Variants in INTS11 observed in about 807,000 individuals in gnomAD.
INTS11 encodes CPSF3-like protein.
A neutral mutation model predicts 78.6 loss-of-function variants in INTS11; 77 were observed. That is an observed-to-expected ratio of 0.98 (90% confidence interval 0.81 to 1.18). INTS11 has a LOEUF of 1.18. Ranked by LOEUF, INTS11 falls within the 50% of genes most tolerant of loss-of-function variation. The probability of loss-of-function intolerance (pLI) is 0.00; values close to 1 mark genes in which losing one functional copy is unlikely to be tolerated. For synonymous variants in INTS11, 441 were observed against 326.9 expected, an observed-to-expected ratio of 1.35 and a Z score of -3.77; for missense variants, 875 against 825.9, an observed-to-expected ratio of 1.06 and a Z score of -0.73.
chr1:1,319,805 C>T (rs1642840277), intron 3 of INTS11: 1 of 428,558 alleles, frequency 2.3e-6, no homozygotes, highest in Non-Finnish European at 4.2e-6. Context: ...CATAGGGGAG[C>T]CGCTGGCTTT....
intron 2 of INTS11, 30 bp downstream of exon 2, chr1:1,320,966 G>C: frequency 1.3e-6 from 2 of 1,592,504 alleles, no homozygotes; most frequent in African/African-American, 1.3e-5. Flanking sequence ...GGCTCTCCCA[G>C]CCTCTGGGCC....
chr1:1,315,310 A>G, intron 6 of INTS11, 94 bp downstream of exon 6: 1 of 1,469,380 alleles, frequency 6.8e-7, no homozygotes, highest in East Asian at 2.3e-5. Flanking sequence ...AGACACTGCC[A>G]GGCTGGCCAC....
rs1394140276 is a variant in INTS11, at chr1:1,314,365, C to T, written c.703G>A (p.Val235Met). 3.7e-6 allele frequency: 6 copies of T among 1,605,302 alleles called. No homozygotes were observed. Among genetic ancestry groups the T allele is most frequent in the Non-Finnish European group, 4.3e-6 (5 of 1,176,296 alleles). The change falls in exon 8 of 17, where the codon GTG (valine) becomes ATG (methionine). Residue 235 changes from valine (V) to methionine (M), a missense_variant and splice_region_variant. Val to Met is a conservative substitution (Grantham distance 21). Transcript: ENST00000435064. This position sits in a 1 kb window ranked among gnomAD's most constrained non-coding sequence, Gnocchi z 4.2. ...CCCAGCGCGAACACAGGTATCAGCA[C>T]CTGAGGGGGACACAAGGCAGGAGCC... is the stretch of plus-strand genomic sequence containing the variant. The part of the protein sequence containing the change: ...VHETVERGGK[V>M]LIPVFALGRA...
chr1:1,322,851 T>C (rs765613241), intron 1 of INTS11: 3 of 1,116,746 alleles, frequency 2.7e-6, no homozygotes, highest in Non-Finnish European at 3.3e-6. Context: ...CAGTCCCTGG[T>C]GCAGGGAAGC....
rs1470051466 is a variant in INTS11 at position 1,324,464 on chromosome 1, G to A, written c.28+117C>T. ...CAGGGCCCGCGCGGGGAGGAGACCG[G>A]AGGACGCCCGCGGCGCGCACCTGGC... is the stretch of plus-strand genomic sequence containing the variant. On this transcript the variant is annotated intron_variant, in intron 1 of 16. Coordinates refer to ENST00000435064, the MANE Select transcript of INTS11 (RefSeq NM_017871.6). The A allele has an allele frequency of 8.2e-6, 9 of 1,102,268 alleles. No homozygotes were observed. The East Asian group carries it at 8.8e-5, about 11-fold the overall frequency. 68.3% of individuals were successfully genotyped at this position (1,102,268 alleles called of 1,614,324 possible).
chr1:1,314,633 G>A lies in INTS11; in HGVS notation c.702+191C>T, dbSNP rs1642464901. 6 of 748,078 alleles carry A rather than the reference G, an allele frequency of 8.0e-6. No individual in the cohort carries two copies. Among genetic ancestry groups the A allele is most frequent in the Middle Eastern group, 3.9e-4 (1 of 2,566 alleles). 46.3% of individuals were successfully genotyped at this position (748,078 alleles called of 1,614,324 possible). A position where few individuals can be genotyped will look rare whatever the true frequency, so the allele number is the denominator to read the frequency against. On this transcript the variant is annotated intron_variant, in intron 7 of 16. Transcript: ENST00000435064. This position sits in a 1 kb window ranked among gnomAD's most constrained non-coding sequence, Gnocchi z 4.2. ...CTTCGTCCGCACCTGAGGTAGGAGG[G>A]AAAAGGGGCTCCCTAGGAAAGGGTC...
intron 1 of INTS11, chr1:1,321,886 T>C (rs1315365199): frequency 1.5e-6 from 2 of 1,323,394 alleles, no homozygotes; most frequent in Non-Finnish European, 9.8e-7. Context: ...AGTGAACAGT[T>C]TTCCCCTTGA....
chr1:1,313,293 C>T, intron 10 of INTS11, 169 bp from the exon 11 acceptor site: 1 of 921,338 alleles, frequency 1.1e-6, no homozygotes, highest in Non-Finnish European at 1.7e-6. Flanking sequence ...ACAAGACTGT[C>T]CAGGGCTGGG....
At chr1:1,315,695 A>AGC (rs1447706553) in intron 4 of INTS11, 77 bp from the exon 5 acceptor site, 1 of 212,014 alleles carries the variant, frequency 4.7e-6, no homozygotes, top group African/African-American at 3.6e-5. Flanking sequence ...GGGGACGGGA[A>AGC]GCGCGGGAGG....
At chr1:1,322,979 G>C (rs939850489) in intron 1 of INTS11, 9 of 1,375,570 alleles carry the variant, frequency 6.5e-6, no homozygotes, top group Non-Finnish European at 8.5e-6. Flanking sequence ...CAGATGTCCA[G>C]AGAGTGGGCA....
In INTS11 at chr1:1,314,664, G is replaced by A. The variant is rs1642467163; in HGVS notation, c.702+160C>T. On this transcript the variant is annotated intron_variant, in intron 7 of 16. Transcript: ENST00000435064. The surrounding 1 kb of genome is among the most constrained non-coding windows in gnomAD (Gnocchi z 4.2). ...GGGCTCCCTAGGAAAGGGTCTCTGA[G>A]TTTTCCTCCTCAATGTTGAGCAAAT... The A allele has an allele frequency of 4.2e-6, 4 of 952,684 alleles. No homozygotes were observed. The highest frequency in any genetic ancestry group is 6.3e-6 in the Non-Finnish European group (4 of 639,294). 59.0% of individuals were successfully genotyped at this position (952,684 alleles called of 1,614,324 possible). A position where few individuals can be genotyped will look rare whatever the true frequency, so the allele number is the denominator to read the frequency against.
intron 1 of INTS11, 30 bp downstream of exon 1, chr1:1,324,551 C>G: frequency 1.9e-6 from 3 of 1,588,706 alleles, no homozygotes; most frequent in Non-Finnish European, 2.6e-6. Flanking sequence ...CGGAGCCCAC[C>G]CCACAGCCCT....
chr1:1,313,735 C>G lies in INTS11; in HGVS notation c.954G>C (p.Pro318=). ...FDRAFADNPG[P]MVVFATPGML... is the part of the protein sequence containing the mutation. ...CCGGCCCTGCCGCGGGCCTCACCAT[C>G]GGTCCTGGGTTGTCAGCAAAAGCCC... Residue 318 remains proline (P), a synonymous_variant, in exon 9 of 17, where the codon CCG becomes CCC. Coordinates refer to ENST00000435064, the MANE Select transcript of INTS11 (RefSeq NM_017871.6). 6.2e-7 allele frequency: 1 copy of G among 1,611,612 alleles called. No homozygotes were observed. Among genetic ancestry groups the G allele is most frequent in the Non-Finnish European group, 8.5e-7 (1 of 1,178,776 alleles).
chr1:1,317,426 C>T (rs887152586), intron 4 of INTS11: 7 of 918,828 alleles, frequency 7.6e-6, no homozygotes, highest in African/African-American at 1.8e-5. Flanking sequence ...AAGAATTCAA[C>T]AGATGAATTT....
At chr1:1,323,178 C>G (rs1299457935) in intron 1 of INTS11, 2 of 1,550,164 alleles carry the variant, frequency 1.3e-6, no homozygotes, top group Non-Finnish European at 1.7e-6. Context: ...AGGAAGCGCT[C>G]ACGCCATGGG....
chr1:1,312,186 G>T (rs1378417418), intron 15 of INTS11, 39 bp from the exon 16 acceptor site: 2 of 1,437,638 alleles, frequency 1.4e-6, no homozygotes, highest in South Asian at 1.3e-5. Flanking sequence ...TGGCCTCCAG[G>T]GCCCAAGGGA....
intron 2 of INTS11, 134 bp downstream of exon 2, chr1:1,320,862 G>T: frequency 1.1e-6 from 1 of 874,878 alleles, no homozygotes; most frequent in African/African-American, 1.7e-5. Flanking sequence ...ACCCATCCCT[G>T]CTCCCCACAG....
chr1:1,318,092 G>C (rs756909238), intron 4 of INTS11, among the ~76,000 whole-genome samples: 4 of 152,012 alleles, frequency 2.6e-5, no homozygotes, highest in Non-Finnish European at 5.9e-5. Context: ...GGATGGTCTC[G>C]ATCTCCTGAC....
Position 1,312,213 on chromosome 1 carries a change from G to GGGGGGGGGGGGGTGGGC in INTS11, c.1607+12_1607+13insGCCCACCCCCCCCCCCC. ...CCCAAGGGAGTGGGGGGGGGGCGGG[G>GGGGGGGGGGGGGTGGGC]CCGGGCGCCCACCTCTTGAGGTGGC... On this transcript the variant is annotated intron_variant, in intron 15 of 16. Transcript: ENST00000435064. The GGGGGGGGGGGGGTGGGC allele has an allele frequency of 1.1e-6, 1 of 934,630 alleles. No homozygotes were observed. Among genetic ancestry groups the GGGGGGGGGGGGGTGGGC allele is most frequent in the Non-Finnish European group, 1.6e-6 (1 of 636,678 alleles). 57.9% of individuals were successfully genotyped at this position (934,630 alleles called of 1,614,324 possible).
Sources: allele counts gnomAD v4.1 joint callset (sites outside exome capture counted in the v4.1 genomes callset), GRCh38; gene constraint gnomAD v4.1.1; non-coding constraint Gnocchi (gnomAD v3.1); transcripts MANE v1.5; gene names NCBI Gene and HGNC (gene_info 2026-07-23, HGNC 2026-07-21).